Variants in EPHA6 observed in about 807,000 individuals in gnomAD.
The protein encoded by EPHA6 is EPH receptor A6, also known as ephrin type-A receptor 6.
A neutral mutation model predicts 112.0 loss-of-function variants in EPHA6; 50 were observed. The ratio of observed to expected loss-of-function variants is 0.45; its 90% CI spans 0.36 to 0.56. The LOEUF is 0.56. Among genes scored for constraint, EPHA6 ranks in the 20% least tolerant of loss-of-function variants. The pLI, the probability that EPHA6 is intolerant of heterozygous loss-of-function variation, is 0.00. For synonymous variants in EPHA6, 529 were observed against 490.7 expected, an observed-to-expected ratio of 1.08 and a Z score of -1.03; for missense variants, 1,280 against 1,417.4, an observed-to-expected ratio of 0.90 and a Z score of 1.56.
intron 4 of EPHA6, among the ~76,000 whole-genome samples, chr3:97,226,841 A>G (rs1297181472): frequency 6.6e-6 from 1 of 152,206 alleles, no homozygotes; most frequent in Non-Finnish European, 1.5e-5. Context: ...GGAAACTTTA[A>G]AAGTCATTGT....
At chr3:97,268,258 A>G (rs1293214472) in intron 5 of EPHA6, among the ~76,000 whole-genome samples, 2 of 152,122 alleles carry the variant, frequency 1.3e-5, no homozygotes, top group African/African-American at 2.4e-5. Context: ...CTTAGATTCT[A>G]TTTGTTAGAA....
At chr3:96,832,988 A>C (rs1479050074) in intron 1 of EPHA6, among the ~76,000 whole-genome samples, 5 of 151,710 alleles carry the variant, frequency 3.3e-5, no homozygotes, top group Non-Finnish European at 5.9e-5. Flanking sequence ...GAGGTGTGAA[A>C]ATTGGAACAC....
chr3:96,815,790 A>G lies in EPHA6; in HGVS notation c.385+782A>G, dbSNP rs534999301. On this transcript the variant is annotated intron_variant, in intron 1 of 17. Coordinates refer to ENST00000389672, the MANE Select transcript of EPHA6 (RefSeq NM_001080448.3). The stretch of plus-strand genomic sequence containing the variant: ...CATTTTCCCTTTTTCTATTCATACA[A>G]TCTTCATGAAATATATCTCCTTGTA... 6.6e-5 allele frequency among the ~76,000 whole-genome samples: 10 copies of G among 152,248 alleles called. No individual in the cohort carries two copies. The South Asian group carries it at 1.2e-3, about 19-fold the overall frequency.
intron 14 of EPHA6, among the ~76,000 whole-genome samples, chr3:97,699,357 A>G (rs938948051): frequency 6.6e-6 from 1 of 152,250 alleles, no homozygotes; most frequent in Non-Finnish European, 1.5e-5. Context: ...AATAATACTA[A>G]TAATTATTCT....
At chr3:97,730,154 T>C (rs900997052) in intron 15 of EPHA6, among the ~76,000 whole-genome samples, 1 of 152,132 alleles carries the variant, frequency 6.6e-6, no homozygotes, top group African/African-American at 2.4e-5. Context: ...TATCTTCTTA[T>C]TGACTGTCTA....
intron 2 of EPHA6, among the ~76,000 whole-genome samples, chr3:96,943,448 A>G (rs1163511474): frequency 6.6e-6 from 1 of 152,176 alleles, no homozygotes. Flanking sequence ...AAGATTTTTA[A>G]TATCCTGAAT....
chr3:97,545,590 G>A (rs1216942410), intron 11 of EPHA6, among the ~76,000 whole-genome samples: 1 of 152,174 alleles, frequency 6.6e-6, no homozygotes, highest in Non-Finnish European at 1.5e-5. Context: ...TCCACTTGGT[G>A]CAGAGCTGAG....
At chr3:97,463,818 C>T (rs1274026864) in intron 7 of EPHA6, among the ~76,000 whole-genome samples, 1 of 152,066 alleles carries the variant, frequency 6.6e-6, no homozygotes, top group Non-Finnish European at 1.5e-5. Context: ...AAAGGAGTTA[C>T]CTTTTAAATT....
intron 1 of EPHA6, among the ~76,000 whole-genome samples, chr3:96,825,185 C>T (rs2107240823): frequency 6.6e-6 from 1 of 151,554 alleles, no homozygotes; most frequent in Non-Finnish European, 1.5e-5. Flanking sequence ...AAAACTTATG[C>T]ATTTAAGGAT....
At chr3:97,658,874 G>C (rs1344114811) in intron 14 of EPHA6, among the ~76,000 whole-genome samples, 1 of 151,914 alleles carries the variant, frequency 6.6e-6, no homozygotes, top group Non-Finnish European at 1.5e-5. Context: ...GTGCCCTCTT[G>C]TGGTGAATGA....
chr3:97,175,215 G>A (rs2076804085), intron 3 of EPHA6, among the ~76,000 whole-genome samples: 2 of 151,856 alleles, frequency 1.3e-5, no homozygotes, highest in Admixed American at 6.6e-5. Context: ...GTAGGTGTGT[G>A]GATTTGTTTC....
intron 5 of EPHA6, among the ~76,000 whole-genome samples, chr3:97,265,212 C>T (rs1368569811): frequency 7.9e-5 from 12 of 152,166 alleles, no homozygotes; most frequent in African/African-American, 2.7e-4. Context: ...CCACTCTGGT[C>T]CACGGGACTG....
At chr3:96,957,379 A>G (rs1362898165) in intron 2 of EPHA6, among the ~76,000 whole-genome samples, 1 of 152,230 alleles carries the variant, frequency 6.6e-6, no homozygotes, top group East Asian at 1.9e-4. Flanking sequence ...TGGACAAAAT[A>G]AAGATACAAA....
At chr3:97,499,986 A>G (rs1022742966) in intron 10 of EPHA6, among the ~76,000 whole-genome samples, 1 of 152,182 alleles carries the variant, frequency 6.6e-6, no homozygotes, top group Non-Finnish European at 1.5e-5. Context: ...CTTCTTGACT[A>G]TAATAACACT....
chr3:96,910,574 C>G (rs2039164593), intron 2 of EPHA6, among the ~76,000 whole-genome samples: 1 of 152,066 alleles, frequency 6.6e-6, no homozygotes, highest in East Asian at 1.9e-4. Context: ...TTCTGTTTTT[C>G]TCTTGGCTCC....
At chr3:97,204,739 A>G (rs1244553161) in intron 3 of EPHA6, among the ~76,000 whole-genome samples, 3 of 152,136 alleles carry the variant, frequency 2.0e-5, no homozygotes, top group African/African-American at 4.8e-5. Context: ...TTATAAGTCA[A>G]AGACTTTTTA....
intron 2 of EPHA6, among the ~76,000 whole-genome samples, chr3:96,963,270 C>A (rs1287874923): frequency 6.6e-6 from 1 of 151,832 alleles, no homozygotes; most frequent in Non-Finnish European, 1.5e-5. Flanking sequence ...ATTTGCTCAG[C>A]ACTAATCTAG....
chr3:96,818,787 T>C (rs1447822186), intron 1 of EPHA6, among the ~76,000 whole-genome samples: 1 of 151,950 alleles, frequency 6.6e-6, no homozygotes, highest in East Asian at 1.9e-4. Flanking sequence ...ACTGGATTAC[T>C]TAGAATGTTT....
chr3:97,485,344 A>G (rs2091674028), intron 10 of EPHA6, among the ~76,000 whole-genome samples: 1 of 152,184 alleles, frequency 6.6e-6, no homozygotes, highest in Non-Finnish European at 1.5e-5. Flanking sequence ...GACAACAGAG[A>G]ACTAAACCAA....
Sources: gnomAD v4.1 joint callset for allele counts (sites outside exome capture counted in the v4.1 genomes callset) on GRCh38, gnomAD v4.1.1 for gene constraint, MANE v1.5 for transcripts, NCBI Gene and HGNC (gene_info 2026-07-23, HGNC 2026-07-21) for gene names.